The following EYS variants were observed in gnomAD, a reference collection of about 807,000 sequenced individuals.
The protein encoded by EYS is EGF-like photoreceptor maintenance factor.
In EYS, 250 loss-of-function variants were observed where a neutral mutation model predicts 282.1. The ratio of observed to expected loss-of-function variants is 0.89; its 90% CI spans 0.80 to 0.98. The LOEUF is 0.98. Ranked by LOEUF, EYS falls within the 50% of genes least tolerant of loss-of-function variation. The pLI is 0.00. For missense variants in EYS, 4,016 were observed against 3,709.0 expected, an observed-to-expected ratio of 1.08 and a Z score of -2.15; for synonymous variants, 1,355 against 1,282.9, an observed-to-expected ratio of 1.06 and a Z score of -1.20.
At chr6:63,974,781 A>C (rs114085555) in intron 35 of EYS, among the ~76,000 whole-genome samples, 8 of 151,990 alleles carry the variant, frequency 5.3e-5, no homozygotes, top group Non-Finnish European at 1.2e-4. Context: ...TGTAATCATG[A>C]CTTTAATACA....
chr6:65,172,117 C>T (rs1286827978), intron 12 of EYS, among the ~76,000 whole-genome samples: 5 of 150,938 alleles, frequency 3.3e-5, no homozygotes, highest in African/African-American at 1.2e-4. Flanking sequence ...TAGAGAACTG[C>T]AATACTCATT....
At chr6:64,890,477 T>A (rs1482340245) in intron 18 of EYS, among the ~76,000 whole-genome samples, 1 of 152,148 alleles carries the variant, frequency 6.6e-6, no homozygotes. Context: ...CCCTCTTTTG[T>A]ACGCTGTCCC....
intron 22 of EYS, among the ~76,000 whole-genome samples, chr6:64,782,989 T>C (rs990455355): frequency 2.6e-5 from 4 of 152,168 alleles, no homozygotes; most frequent in Non-Finnish European, 5.9e-5. Flanking sequence ...AATTCATAAC[T>C]TTTAAGTTGC....
intron 22 of EYS, among the ~76,000 whole-genome samples, chr6:64,646,484 T>G (rs1306411895): frequency 1.3e-5 from 2 of 152,124 alleles, no homozygotes; most frequent in Non-Finnish European, 2.9e-5. Flanking sequence ...TTTCAGATAT[T>G]TATGAAGTTT....
At chr6:65,608,489 G>A (rs545983497) in intron 2 of EYS, among the ~76,000 whole-genome samples, 1 of 150,772 alleles carries the variant, frequency 6.6e-6, no homozygotes, top group African/African-American at 2.4e-5. Context: ...TTTATAAACA[G>A]TGTACACTTT....
chr6:64,261,593 C>T (rs73766031), intron 30 of EYS, among the ~76,000 whole-genome samples: 5,326 of 151,948 alleles, frequency 0.035, 293 homozygotes, highest in African/African-American at 0.12. Flanking sequence ...CCATGATGTT[C>T]TCTTCTCTGT....
At chr6:64,635,441 A>G (rs1016469443) in intron 22 of EYS, among the ~76,000 whole-genome samples, 4 of 152,134 alleles carry the variant, frequency 2.6e-5, no homozygotes, top group African/African-American at 9.7e-5. Flanking sequence ...CCCATTCAGT[A>G]TGATACTGGC....
intron 2 of EYS, among the ~76,000 whole-genome samples, chr6:65,633,694 C>G (rs76110528): frequency 6.6e-6 from 1 of 152,184 alleles, no homozygotes; most frequent in Admixed American, 6.5e-5. Context: ...AATACCTACC[C>G]TCAAAGCCAC....
intron 12 of EYS, among the ~76,000 whole-genome samples, chr6:65,223,840 T>A (rs56892165): frequency 0.28 from 41,977 of 151,984 alleles, 6,330 homozygotes; most frequent in African/African-American, 0.39. Context: ...TACCAGTTGG[T>A]CCACCACATA....
At chr6:63,845,270 C>T (rs528908925) in intron 36 of EYS, among the ~76,000 whole-genome samples, 15 of 152,280 alleles carry the variant, frequency 9.9e-5, no homozygotes, top group African/African-American at 3.1e-4. Flanking sequence ...GTGACTTGTT[C>T]AAGGCCATGT....
At chr6:64,878,597 T>G (rs2150058384) in intron 19 of EYS, among the ~76,000 whole-genome samples, 1 of 152,136 alleles carries the variant, frequency 6.6e-6, no homozygotes, top group South Asian at 2.1e-4. Context: ...ACATTCATTC[T>G]CATTCTCTCT....
chr6:65,360,957 C>A (rs567669369), intron 8 of EYS, among the ~76,000 whole-genome samples: 1 of 152,002 alleles, frequency 6.6e-6, no homozygotes, highest in African/African-American at 2.4e-5. Flanking sequence ...TTCCATATTT[C>A]CATCTATATT....
At chr6:64,959,875 ATTTTTTT>A (rs35264278) in intron 14 of EYS, among the ~76,000 whole-genome samples, 2 of 119,256 alleles carry the variant, frequency 1.7e-5, no homozygotes, top group African/African-American at 3.2e-5. Flanking sequence ...ACGACTCAGG[ATTTTTTT>A]TTTTTTTTTT....
At chr6:65,458,108 T>C (rs1764694677) in intron 5 of EYS, among the ~76,000 whole-genome samples, 1 of 152,162 alleles carries the variant, frequency 6.6e-6, no homozygotes, top group Non-Finnish European at 1.5e-5. Context: ...CACTACTAAG[T>C]TTGGACCAAC....
intron 31 of EYS, among the ~76,000 whole-genome samples, chr6:64,096,143 C>T (rs1772603927): frequency 6.6e-6 from 1 of 152,294 alleles, no homozygotes; most frequent in South Asian, 2.1e-4. Flanking sequence ...ATGGGCTTCC[C>T]CTTGTGGGTA....
At chr6:65,269,158 T>C (rs1179777530) in intron 12 of EYS, among the ~76,000 whole-genome samples, 1 of 152,150 alleles carries the variant, frequency 6.6e-6, no homozygotes, top group East Asian at 1.9e-4. Context: ...TCAAATATAG[T>C]TTCTAGTCAA....
intron 12 of EYS, among the ~76,000 whole-genome samples, chr6:65,062,801 T>C (rs1029130404): frequency 6.6e-6 from 1 of 151,994 alleles, no homozygotes; most frequent in Non-Finnish European, 1.5e-5. Context: ...TAAAGAGGAT[T>C]ATCTTTACTA....
chr6:65,278,887 T>C lies in EYS; in HGVS notation c.2023+16976A>G, dbSNP rs60749257. 1.7e-3 allele frequency among the ~76,000 whole-genome samples: 254 copies of C among 152,136 alleles called. 1 individual carries two copies. The highest frequency in any genetic ancestry group is 5.6e-3 in the African/African-American group (234 of 41,494). ...GGCTCTAAGAGGGTCCTATGAGGTG[T>C]TACATAATATGATACCTGTGGCCCA... is the stretch of plus-strand genomic sequence containing the variant. On this transcript the variant is annotated intron_variant, in intron 12 of 42. Coordinates refer to ENST00000503581, the MANE Select transcript of EYS (RefSeq NM_001142800.2).
In EYS at chr6:65,502,919, T is replaced by C. The variant is rs75383429; in HGVS notation, c.-332-6926A>G. On this transcript the variant is annotated intron_variant, in intron 2 of 42. Coordinates refer to ENST00000503581, the MANE Select transcript of EYS (RefSeq NM_001142800.2). Reference sequence around the variant, plus strand: ...TAAGTAGTCACCATTAATGTTAACCTTGATCACCTGTCTTGAGGTAGTATT... The same window carrying C: ...TAAGTAGTCACCATTAATGTTAACCCTGATCACCTGTCTTGAGGTAGTATT... Among the ~76,000 whole-genome samples, 1,498 of 151,812 alleles carry C rather than the reference T, an allele frequency of 9.9e-3. 12 individuals are homozygous for C. The highest frequency in any genetic ancestry group is 0.017 in the Admixed American group (260 of 15,200).
Sources: allele counts gnomAD v4.1 joint callset (sites outside exome capture counted in the v4.1 genomes callset), GRCh38; gene constraint gnomAD v4.1.1; transcripts MANE v1.5; gene names NCBI Gene and HGNC (gene_info 2026-07-23, HGNC 2026-07-21).